The following ADGRL2 variants were observed in gnomAD, a reference collection of about 807,000 sequenced individuals.
ADGRL2 encodes adhesion G protein-coupled receptor L2.
Under a neutral mutation model 157.4 loss-of-function variants are expected in ADGRL2, and 44 were observed. The ratio of observed to expected loss-of-function variants is 0.28; its 90% CI spans 0.22 to 0.36. The LOEUF is 0.36. Ranked by LOEUF, ADGRL2 falls within the 10% of genes least tolerant of loss-of-function variation. ADGRL2 has a pLI of 1.00. For synonymous variants in ADGRL2, 585 were observed against 624.7 expected, an observed-to-expected ratio of 0.94 and a Z score of 0.95; for missense variants, 1,510 against 1,768.9, an observed-to-expected ratio of 0.85 and a Z score of 2.63.
In ADGRL2 at chr1:81,974,954, A is replaced by AG. The variant is rs569275127; in HGVS notation, c.3021+3037dup. Reference sequence around the variant, plus strand: ...AAAGAATGATCTTTGTCAGTGGGAGAGAAAAAAAAATGTCCCAGTTTGATG... The same window carrying AG: ...AAAGAATGATCTTTGTCAGTGGGAGAGGAAAAAAAAATGTCCCAGTTTGATG... On this transcript the variant is annotated intron_variant, in intron 17 of 23. Transcript: ENST00000686636. 5.3e-3 allele frequency among the ~76,000 whole-genome samples: 808 copies of AG among 151,960 alleles called. 6 individuals are homozygous for AG. The highest frequency in any genetic ancestry group is 7.8e-3 in the Non-Finnish European group (530 of 67,928).
chr1:81,408,637 A>C (rs187707674), intron 1 of ADGRL2, among the ~76,000 whole-genome samples: 1 of 152,308 alleles, frequency 6.6e-6, no homozygotes, highest in East Asian at 1.9e-4. Flanking sequence ...ACCCTTGTTC[A>C]CTCGTGCATA....
intron 1 of ADGRL2, among the ~76,000 whole-genome samples, chr1:81,350,400 T>C (rs1001253554): frequency 4.6e-5 from 7 of 152,222 alleles, no homozygotes; most frequent in Admixed American, 3.9e-4. Context: ...AGTTGTGTTC[T>C]GTAAGCTAAG....
chr1:81,546,517 C>T (rs1225247549), intron 2 of ADGRL2, among the ~76,000 whole-genome samples: 1 of 152,200 alleles, frequency 6.6e-6, no homozygotes, highest in Non-Finnish European at 1.5e-5. Context: ...AAATTAGGAA[C>T]ATCACAGACG....
chr1:81,846,433 A>T (rs1387216824), intron 2 of ADGRL2, among the ~76,000 whole-genome samples: 1 of 144,860 alleles, frequency 6.9e-6, no homozygotes, highest in Non-Finnish European at 1.5e-5. Context: ...TCCCACCATG[A>T]AGATGAAGTT....
Position 81,667,127 on chromosome 1 carries a change from C to T in ADGRL2, c.-143+86147C>T, listed in dbSNP as rs753179664. ...CTCTGATTACCTGTTGAGACCAAGA[C>T]GAATTCATGACTCTAACAAAAGAAC... On this transcript the variant is annotated intron_variant, in intron 3 of 24. Transcript: ENST00000370721. Among the ~76,000 whole-genome samples the T allele has an allele frequency of 7.2e-5, 11 of 152,232 alleles. 1 individual carries two copies. Among genetic ancestry groups the T allele is most frequent in the East Asian group, 3.9e-4 (2 of 5,164 alleles).
intron 1 of ADGRL2, among the ~76,000 whole-genome samples, chr1:81,424,337 C>A (rs544240350): frequency 6.6e-6 from 1 of 152,192 alleles, no homozygotes; most frequent in Non-Finnish European, 1.5e-5. Flanking sequence ...ATTCCATGTT[C>A]GTCTGTAAAA....
chr1:81,529,675 C>A (rs556569327), intron 2 of ADGRL2, among the ~76,000 whole-genome samples: 2 of 152,258 alleles, frequency 1.3e-5, no homozygotes, highest in East Asian at 3.9e-4. Flanking sequence ...GATGCGGACC[C>A]CATGGATGGG....
intron 2 of ADGRL2, among the ~76,000 whole-genome samples, chr1:81,765,063 G>A (rs568805234): frequency 3.7e-4 from 56 of 151,884 alleles, no homozygotes; most frequent in African/African-American, 1.4e-3. Context: ...ATTTTTAAAT[G>A]TACCAAAAAA....
intron 2 of ADGRL2, among the ~76,000 whole-genome samples, chr1:81,549,699 A>T (rs988582888): frequency 2.6e-5 from 4 of 152,206 alleles, no homozygotes; most frequent in Non-Finnish European, 5.9e-5. Flanking sequence ...AAACAAGATC[A>T]CGGGATGAGA....
chr1:81,883,533 T>C (rs1464206568), intron 2 of ADGRL2, among the ~76,000 whole-genome samples: 1 of 152,114 alleles, frequency 6.6e-6, no homozygotes, highest in African/African-American at 2.4e-5. Flanking sequence ...TAAAATAAAA[T>C]AAAAATGGGG....
rs184908946 is a variant in ADGRL2 at position 81,396,091 on chromosome 1, C to A, written c.-301-48945C>A. Among the ~76,000 whole-genome samples, 51 of 152,150 alleles carry A rather than the reference C, an allele frequency of 3.4e-4. No homozygotes were observed. In the East Asian group the frequency reaches 9.5e-3, roughly 28 times the overall value. On this transcript the variant is annotated intron_variant, in intron 1 of 24. Coordinates refer to the ADGRL2 transcript ENST00000370721. ...TGCATTGCATTGAATCTATAGATCA[C>A]TTTTGGTTGTATGGTCATTTTTACA... is the stretch of plus-strand genomic sequence containing the variant.
chr1:81,978,456 T>G (rs1660785626), intron 17 of ADGRL2, among the ~76,000 whole-genome samples: 1 of 151,800 alleles, frequency 6.6e-6, no homozygotes, highest in African/African-American at 2.4e-5. Context: ...GTTTTTGTCC[T>G]TAAGTAATTA....
Position 81,861,622 on chromosome 1 carries a change from C to A in ADGRL2, c.73+24565C>A, listed in dbSNP as rs563771682. 9.2e-5 allele frequency among the ~76,000 whole-genome samples: 14 copies of A among 152,320 alleles called. No individual in the cohort carries two copies. In the South Asian group the frequency reaches 2.3e-3, roughly 25 times the overall value. On this transcript the variant is annotated intron_variant, in intron 2 of 23. Coordinates refer to ENST00000686636, the MANE Select transcript of ADGRL2 (RefSeq NM_001366006.2). ...TAAACACATGGGCCATGCACAGTGG[C>A]TCATGCCTGTTTTCCCAGCCCTTCA...
chr1:81,367,448 C>A (rs1383976121), intron 1 of ADGRL2, among the ~76,000 whole-genome samples: 1 of 152,188 alleles, frequency 6.6e-6, no homozygotes, highest in African/African-American at 2.4e-5. Flanking sequence ...TCAGCTCCCA[C>A]TTATAAATGA....
At position 81,374,071 on chromosome 1, in the gene ADGRL2, A is replaced by G. The variant is rs552570322; in HGVS notation, c.-302+67562A>G. On this transcript the variant is annotated intron_variant, in intron 1 of 24. Coordinates refer to the ADGRL2 transcript ENST00000370721. ...CAATATGTTGTGGCCACCTTTAAAT[A>G]CACATACACACACACACACACAAAC... Among the ~76,000 whole-genome samples the G allele has an allele frequency of 7.6e-5, 8 of 105,686 alleles. No individual in the cohort carries two copies. In the South Asian group the frequency reaches 3.0e-3, roughly 40 times the overall value. 69.3% of individuals were successfully genotyped at this position (105,686 alleles called of 152,430 possible).
At chr1:81,697,556 G>A (rs908722632), upstream of ADGRL2, among the ~76,000 whole-genome samples, 3 of 152,062 alleles carry the variant, frequency 2.0e-5, no homozygotes, top group African/African-American at 7.2e-5. Flanking sequence ...TCTTGCCCTT[G>A]GTATGATCAT....
At chr1:81,683,102 C>T (rs1357174325) in intron 3 of ADGRL2, among the ~76,000 whole-genome samples, 1 of 152,140 alleles carries the variant, frequency 6.6e-6, no homozygotes, top group East Asian at 1.9e-4. Flanking sequence ...CACTGCACTG[C>T]AGCCTGGGTG....
intron 3 of ADGRL2, among the ~76,000 whole-genome samples, chr1:81,651,129 T>C (rs967388065): frequency 6.6e-6 from 1 of 152,358 alleles, no homozygotes; most frequent in African/African-American, 2.4e-5. Flanking sequence ...CATTTTGTAG[T>C]GTTTTTTTAG....
At chr1:81,875,111 A>G (rs1260609342) in intron 2 of ADGRL2, among the ~76,000 whole-genome samples, 1 of 152,108 alleles carries the variant, frequency 6.6e-6, no homozygotes, top group East Asian at 1.9e-4. Flanking sequence ...TTTCTCCCCA[A>G]AATCCCTGCA....
Sources: allele counts gnomAD v4.1 joint callset (sites outside exome capture counted in the v4.1 genomes callset), GRCh38; gene constraint gnomAD v4.1.1; transcripts MANE v1.5; gene names NCBI Gene and HGNC (gene_info 2026-07-23, HGNC 2026-07-21).